Variants in GREB1L observed in about 807,000 individuals in gnomAD.
GREB1L encodes GREB1 like retinoic acid receptor coactivator, also known as GREB1-like protein.
In GREB1L, 17 loss-of-function variants were observed where a neutral mutation model predicts 200.8. The ratio of observed to expected loss-of-function variants is 0.08; its 90% CI spans 0.06 to 0.13. GREB1L has a LOEUF of 0.13. Ranked by LOEUF, GREB1L falls within the 10% of genes least tolerant of loss-of-function variation. The pLI, the probability that GREB1L is intolerant of heterozygous loss-of-function variation, is 1.00. For missense variants in GREB1L, 1,657 were observed against 2,367.7 expected (o/e 0.70, Z 6.23); for synonymous variants, 789 against 893.0 (o/e 0.88, Z 2.08).
chr18:21,244,345 A>G (rs750905645), intron 1 of GREB1L, among the ~76,000 whole-genome samples: 1 of 152,182 alleles, frequency 6.6e-6, no homozygotes, highest in African/African-American at 2.4e-5. Context: ...GGGCGTGTGT[A>G]TACTCCCATT....
chr18:21,392,495 C>A lies in GREB1L; in HGVS notation c.356-2890C>A, dbSNP rs553322909. 5.3e-4 allele frequency among the ~76,000 whole-genome samples: 80 copies of A among 152,132 alleles called. No homozygotes were observed. The South Asian group carries it at 0.016, about 30-fold the overall frequency. ...ACAAATGCAGATGCACTTAAAATTG[C>A]TAAAGAATTCATAAGTTTTTATATT... On this transcript the variant is annotated intron_variant, in intron 4 of 32. Coordinates refer to ENST00000424526, the MANE Select transcript of GREB1L (RefSeq NM_001142966.3).
At chr18:21,443,185 G>C (rs1372741260) in intron 10 of GREB1L, among the ~76,000 whole-genome samples, 5 of 151,766 alleles carry the variant, frequency 3.3e-5, no homozygotes, top group African/African-American at 1.2e-4. Flanking sequence ...TTATAGGCGT[G>C]AGCTGCACCC....
chr18:21,243,374 C>G (rs1279249982), intron 1 of GREB1L, among the ~76,000 whole-genome samples: 12 of 152,204 alleles, frequency 7.9e-5, no homozygotes, highest in Admixed American at 2.6e-4. Flanking sequence ...GCCCCTTTCT[C>G]CGGTGAACGT....
At chr18:21,446,736 T>C (rs1254417283) in intron 11 of GREB1L, among the ~76,000 whole-genome samples, 1 of 152,242 alleles carries the variant, frequency 6.6e-6, no homozygotes, top group Non-Finnish European at 1.5e-5. Context: ...GCATAGATTA[T>C]AGACATTTAA....
chr18:21,465,339 T>G (rs1278168551), intron 15 of GREB1L, among the ~76,000 whole-genome samples: 1 of 152,100 alleles, frequency 6.6e-6, no homozygotes, highest in African/African-American at 2.4e-5. Flanking sequence ...TTACTGAAAC[T>G]CGAATATGGG....
rs1448786818 is a variant in GREB1L at position 21,290,663 on chromosome 18, A to G, written c.-120+48270A>G. Among the ~76,000 whole-genome samples, 5 of 152,130 alleles carry G rather than the reference A, an allele frequency of 3.3e-5. No homozygotes were observed. In the East Asian group the frequency reaches 9.6e-4, roughly 29 times the overall value. ...CATGGCGAAGGCCCGTCTCTACTAA[A>G]AAATACAAAAGTTGACTGGGTGTGG... On this transcript the variant is annotated intron_variant, in intron 1 of 32. Coordinates refer to ENST00000424526, the MANE Select transcript of GREB1L (RefSeq NM_001142966.3).
intron 1 of GREB1L, among the ~76,000 whole-genome samples, chr18:21,275,265 A>T (rs751134980): frequency 7.2e-5 from 11 of 151,974 alleles, no homozygotes; most frequent in Non-Finnish European, 1.3e-4. Context: ...AATGTTGGTT[A>T]TATTTCATAA....
intron 19 of GREB1L, among the ~76,000 whole-genome samples, chr18:21,492,988 A>G (rs1325280047): frequency 6.6e-6 from 1 of 152,164 alleles, no homozygotes. Context: ...CCAAATTCTC[A>G]AAATCACTGG....
chr18:21,357,137 G>A (rs755611338), intron 1 of GREB1L, among the ~76,000 whole-genome samples: 1 of 151,958 alleles, frequency 6.6e-6, no homozygotes, highest in African/African-American at 2.4e-5. Context: ...TCACTGCAAC[G>A]TCTGCCTCCT....
intron 15 of GREB1L, among the ~76,000 whole-genome samples, chr18:21,460,432 G>A (rs771899169): frequency 5.3e-5 from 8 of 151,950 alleles, no homozygotes; most frequent in East Asian, 1.9e-4. Context: ...TGCAACCTCC[G>A]CCTCCCGGGT....
chr18:21,489,853 C>T (rs1412833685), intron 18 of GREB1L, among the ~76,000 whole-genome samples, 159 bp from the exon 19 acceptor site: 1 of 152,140 alleles, frequency 6.6e-6, no homozygotes, highest in African/African-American at 2.4e-5. Flanking sequence ...CTTTTCCTTC[C>T]AGTGATGTAG....
chr18:21,449,174 A>G (rs2034393308), intron 11 of GREB1L, among the ~76,000 whole-genome samples: 1 of 152,254 alleles, frequency 6.6e-6, no homozygotes, highest in Non-Finnish European at 1.5e-5. Flanking sequence ...TGCCAAGCTT[A>G]ATAGGTCAAG....
chr18:21,428,359 G>A (rs1475626408), intron 7 of GREB1L, among the ~76,000 whole-genome samples: 1 of 20,750 alleles, frequency 4.8e-5, no homozygotes, highest in Non-Finnish European at 1.2e-4. Flanking sequence ...TTTTTTTTTT[G>A]TCCTCTTGTG....
chr18:21,250,237 A>G (rs1016826670), intron 1 of GREB1L, among the ~76,000 whole-genome samples: 1 of 152,192 alleles, frequency 6.6e-6, no homozygotes, highest in African/African-American at 2.4e-5. Context: ...TGTTCTCTCT[A>G]GTGCACCACA....
intron 1 of GREB1L, among the ~76,000 whole-genome samples, chr18:21,283,271 A>G (rs1249936551): frequency 6.6e-6 from 1 of 152,222 alleles, no homozygotes; most frequent in African/African-American, 2.4e-5. Context: ...TGCTGAACAT[A>G]TATTTTATCA....
Position 21,482,642 on chromosome 18 carries a change from ATTTTTT to A in GREB1L, c.2557-2960_2557-2955del, listed in dbSNP as rs35313539. Among the ~76,000 whole-genome samples the A allele has an allele frequency of 9.3e-5, 11 of 118,102 alleles. No homozygotes were observed. The East Asian group carries it at 1.0e-3, about 11-fold the overall frequency. The allele number at this position is 118,102 out of a possible 152,430, so 77.5% of individuals were successfully genotyped here. The stretch of plus-strand genomic sequence containing the variant: ...GAGCACACCATTGTGTAGATTACAG[ATTTTTT>A]TTTTTTTTTTTTTTTTTACAAACAA... On this transcript the variant is annotated intron_variant, in intron 17 of 32. Transcript: ENST00000424526.
intron 1 of GREB1L, among the ~76,000 whole-genome samples, chr18:21,322,430 A>G (rs1323783035): frequency 6.6e-6 from 1 of 152,156 alleles, no homozygotes; most frequent in Non-Finnish European, 1.5e-5. Flanking sequence ...TTAAAATGCT[A>G]CTTAGGACCA....
intron 1 of GREB1L, among the ~76,000 whole-genome samples, chr18:21,323,243 G>A (rs906554058): frequency 1.1e-4 from 16 of 152,002 alleles, no homozygotes; most frequent in Non-Finnish European, 2.1e-4. Flanking sequence ...AGCCGAGATT[G>A]CACCATGTAC....
chr18:21,274,107 T>C (rs557921319), intron 1 of GREB1L, among the ~76,000 whole-genome samples: 1 of 152,328 alleles, frequency 6.6e-6, no homozygotes, highest in Non-Finnish European at 1.5e-5. Flanking sequence ...AAGTCCAAGA[T>C]CAAGGCACCA....
Sources: allele counts gnomAD v4.1 joint callset (sites outside exome capture counted in the v4.1 genomes callset), GRCh38; gene constraint gnomAD v4.1.1; transcripts MANE v1.5; gene names NCBI Gene and HGNC (gene_info 2026-07-23, HGNC 2026-07-21).